The following FMN1 variants were observed in gnomAD, a reference collection of about 807,000 sequenced individuals.
FMN1 encodes formin-1.
Under a neutral mutation model 132.4 loss-of-function variants are expected in FMN1, and 110 were observed. The observed-to-expected ratio is 0.83, with a 90% CI of 0.71 to 0.97. FMN1 has a LOEUF of 0.97. Ranked by LOEUF, FMN1 falls within the 50% of genes least tolerant of loss-of-function variation. FMN1 has a pLI of 0.00. For synonymous variants in FMN1, 722 were observed against 651.7 expected (o/e 1.11, Z -1.64); for missense variants, 1,792 against 1,705.3 (o/e 1.05, Z -0.90).
intron 6 of FMN1, among the ~76,000 whole-genome samples, chr15:33,025,446 T>C (rs901133717): frequency 2.0e-5 from 3 of 152,136 alleles, no homozygotes; most frequent in Non-Finnish European, 4.4e-5. Flanking sequence ...AAGAAAACCT[T>C]TCAAAAATTC....
chr15:32,979,376 A>C (rs1423759899), intron 7 of FMN1, among the ~76,000 whole-genome samples: 2 of 152,052 alleles, frequency 1.3e-5, no homozygotes, highest in African/African-American at 4.8e-5. Context: ...TAACATGGTG[A>C]AACCCCGTCT....
In FMN1 at chr15:32,770,190, C is replaced by T. The variant is rs2056183493; in HGVS notation, c.*4120G>A. 1 of 152,034 alleles carries T rather than the reference C, an allele frequency of 6.6e-6. No homozygotes were observed. Among genetic ancestry groups the T allele is most frequent in the South Asian group, 2.1e-4 (1 of 4,814 alleles). The allele number at this position is 152,034 out of a possible 1,614,324, so 9.4% of individuals were successfully genotyped here. On this transcript the variant is annotated 3_prime_UTR_variant, in exon 21 of 21. Coordinates refer to ENST00000616417, the MANE Select transcript of FMN1 (RefSeq NM_001277313.2). ...GTATGTCAGGGAATGAAGAGGTTCC[C>T]CGGTCAATGTTACAGCCTGGTTCCT... is the stretch of plus-strand genomic sequence containing the variant.
chr15:33,125,099 CAT>C (rs1962925494), intron 4 of FMN1, among the ~76,000 whole-genome samples: 1 of 152,030 alleles, frequency 6.6e-6, no homozygotes, highest in Non-Finnish European at 1.5e-5. Context: ...TGTGAAATAA[CAT>C]AATGCCTTAG....
intron 19 of FMN1, among the ~76,000 whole-genome samples, chr15:32,785,008 CTT>C (rs199954289): frequency 0.012 from 1,809 of 151,512 alleles, 35 homozygotes; most frequent in African/African-American, 0.041. Context: ...CTGCAATTAA[CTT>C]TTTTTGGAGG....
chr15:33,153,374 T>C lies in FMN1; in HGVS notation c.1541A>G (p.His514Arg), dbSNP rs1312258956. ...FNNSASQSST[H>R]KQTSPVPSPL... ...CGAGGGAACAGGTGACGTCTGTTTG[T>C]GTGTGCTGGACTGCGAGGCTGAATT... Residue 514 changes from histidine (H) to arginine (R), a missense_variant, in exon 4 of 21, where the codon CAC becomes CGC. Physicochemically the swap from His to Arg is conservative, Grantham distance 29. This residue lies in a region of FMN1 where 638 missense variants were observed against 645.2 expected (regional missense o/e 0.99). Transcript: ENST00000616417. 4 of 1,536,534 alleles carry C rather than the reference T, an allele frequency of 2.6e-6. No homozygotes were observed. The South Asian group carries it at 3.6e-5, about 14-fold the overall frequency.
At chr15:33,011,220 AAGAT>A (rs2034700005) in intron 6 of FMN1, among the ~76,000 whole-genome samples, 1 of 152,206 alleles carries the variant, frequency 6.6e-6, no homozygotes, top group East Asian at 1.9e-4. Context: ...ATAGGCTAAT[AAGAT>A]AGAATAGACA....
intron 4 of FMN1, among the ~76,000 whole-genome samples, chr15:33,119,415 AATGTGGG>A (rs1453212349): frequency 6.6e-6 from 1 of 152,094 alleles, no homozygotes; most frequent in African/African-American, 2.4e-5. Flanking sequence ...GAGGAAGGAG[AATGTGGG>A]GGATGTGCCT....
At chr15:32,988,827 C>CTT (rs1347649480) in intron 7 of FMN1, among the ~76,000 whole-genome samples, 1 of 152,100 alleles carries the variant, frequency 6.6e-6, no homozygotes, top group African/African-American at 2.4e-5. Context: ...CTCTTTTACC[C>CTT]TTTAGCTCCC....
intron 9 of FMN1, among the ~76,000 whole-genome samples, chr15:32,928,435 A>G (rs8032279): frequency 0.025 from 3,798 of 152,346 alleles, 66 homozygotes; most frequent in Non-Finnish European, 0.034. Context: ...CATCTAATAA[A>G]AAAATTAAGA....
intron 7 of FMN1, among the ~76,000 whole-genome samples, chr15:32,996,728 G>A (rs912594180): frequency 2.0e-5 from 3 of 151,478 alleles, no homozygotes; most frequent in African/African-American, 4.8e-5. Context: ...TGTTACGCGC[G>A]TATACACACA....
At chr15:32,812,817 G>C (rs577533987) in intron 17 of FMN1, among the ~76,000 whole-genome samples, 3 of 152,258 alleles carry the variant, frequency 2.0e-5, no homozygotes, top group Non-Finnish European at 2.9e-5. Flanking sequence ...AATAGAAAGG[G>C]TCAGACCTTC....
chr15:32,900,858 G>A (rs1321834884), intron 13 of FMN1, among the ~76,000 whole-genome samples: 1 of 151,784 alleles, frequency 6.6e-6, no homozygotes, highest in African/African-American at 2.4e-5. Flanking sequence ...TTATTTCAGG[G>A]TAAAAAAAGT....
chr15:33,108,550 T>G (rs1367554432), intron 4 of FMN1, among the ~76,000 whole-genome samples: 3 of 152,010 alleles, frequency 2.0e-5, no homozygotes, highest in African/African-American at 7.2e-5. Context: ...CTGGAGAAAC[T>G]GAACTTAAAG....
chr15:33,077,523 C>T (rs531914067), intron 5 of FMN1, among the ~76,000 whole-genome samples: 2 of 151,930 alleles, frequency 1.3e-5, no homozygotes, highest in South Asian at 2.1e-4. Flanking sequence ...CTTCCCCTGA[C>T]TCCACAACAG....
At chr15:33,146,183 G>A (rs1394835201) in intron 4 of FMN1, among the ~76,000 whole-genome samples, 1 of 152,062 alleles carries the variant, frequency 6.6e-6, no homozygotes, top group Non-Finnish European at 1.5e-5. Flanking sequence ...TGCTTAGCGT[G>A]AAACCCAGTC....
At chr15:33,128,025 G>C (rs1168621267) in intron 4 of FMN1, among the ~76,000 whole-genome samples, 2 of 152,100 alleles carry the variant, frequency 1.3e-5, no homozygotes, top group African/African-American at 4.8e-5. Context: ...AATCATAGCA[G>C]AATGCCCAGA....
chr15:33,191,770 A>G (rs1020941504), intron 2 of FMN1, among the ~76,000 whole-genome samples: 1 of 152,198 alleles, frequency 6.6e-6, no homozygotes, highest in Non-Finnish European at 1.5e-5. Flanking sequence ...ACAGACACTA[A>G]ATACAGAGAT....
chr15:32,970,627 A>AGC (rs1393482002), intron 7 of FMN1: 3 of 152,240 alleles, frequency 2.0e-5, no homozygotes, highest in Admixed American at 6.5e-5. Flanking sequence ...GCACAAGTAC[A>AGC]GCTCCCTTTT....
chr15:32,837,858 CTGT>C (rs1218191349), intron 17 of FMN1, among the ~76,000 whole-genome samples: 2 of 152,220 alleles, frequency 1.3e-5, no homozygotes, highest in Admixed American at 6.5e-5. Flanking sequence ...GATGTGCTCT[CTGT>C]TAATTCCTTG....
Sources: gnomAD v4.1 joint callset for allele counts (sites outside exome capture counted in the v4.1 genomes callset) on GRCh38, gnomAD v4.1.1 for gene constraint, gnomAD v4.1.1 regional missense constraint, MANE v1.5 for transcripts, NCBI Gene and HGNC (gene_info 2026-07-23, HGNC 2026-07-21) for gene names.